TNRC18: variants seen among roughly 807,000 people sequenced by gnomAD.
The protein encoded by TNRC18 is trinucleotide repeat containing 18.
In TNRC18, 69 loss-of-function variants were observed where a neutral mutation model predicts 226.7. The ratio of observed to expected loss-of-function variants is 0.30; its 90% CI spans 0.25 to 0.37. The LOEUF (loss-of-function observed/expected upper bound fraction) is 0.37, where lower values mean the gene tolerates loss of function less well. Ranked by LOEUF, TNRC18 falls within the 10% of genes least tolerant of loss-of-function variation. TNRC18 has a pLI of 1.00. For missense variants in TNRC18, 4,754 were observed against 4,256.6 expected (o/e 1.12, Z -3.25); for synonymous variants, 2,449 against 1,927.6 (o/e 1.27, Z -7.09).
At chr7:5,366,318 CTTTT>C (rs202053648) in intron 11 of TNRC18, among the ~76,000 whole-genome samples, 12 of 70,480 alleles carry the variant, frequency 1.7e-4, no homozygotes, top group Admixed American at 1.2e-3. Context: ...CTTCTTATAT[CTTTT>C]TTTTTTTTTT....
In TNRC18 at chr7:5,376,082, C is replaced by A; in HGVS notation, c.2751G>T (p.Gln917His). ...FLRQQEFLYL[Q>H]QQAAQALELQ... ...GTTCCAAGGCCTGGGCCGCCTGCTG[C>A]TGCAGGTACAGGAACTCCTGCTGCC... Residue 917 changes from glutamine (Q) to histidine (H), a missense_variant, in exon 9 of 30, where the codon CAG becomes CAT. By Grantham distance (24) the Gln-to-His change is conservative. Coordinates refer to ENST00000430969, the MANE Select transcript of TNRC18 (RefSeq NM_001080495.3). 1 of 1,596,328 alleles carries A rather than the reference C, an allele frequency of 6.3e-7. No homozygotes were observed.
chr7:5,420,445 G>A (rs1200341882), intron 2 of TNRC18: 1 of 454,664 alleles, frequency 2.2e-6, no homozygotes, highest in African/African-American at 2.0e-5. Flanking sequence ...CCTCCTACCG[G>A]GGTGCAGGTT....
chr7:5,315,449 G>C (rs866477104), intron 25 of TNRC18, among the ~76,000 whole-genome samples: 18 of 148,014 alleles, frequency 1.2e-4, no homozygotes, highest in Admixed American at 1.0e-3. Context: ...TTTTAAAACA[G>C]AGTCTCGCTC....
intron 19 of TNRC18, chr7:5,325,567 G>C (rs1378281895): frequency 4.6e-5 from 14 of 301,956 alleles, no homozygotes; most frequent in Non-Finnish European, 7.4e-5. Flanking sequence ...GGGACTACAG[G>C]CACCCGCCAC....
chr7:5,370,288 A>T, intron 11 of TNRC18, 87 bp downstream of exon 11: 1 of 1,426,480 alleles, frequency 7.0e-7, no homozygotes, highest in Non-Finnish European at 9.3e-7. Flanking sequence ...GTGCCACTGC[A>T]CTCCAGCCTG....
intron 11 of TNRC18, among the ~76,000 whole-genome samples, chr7:5,368,081 A>T (rs919629383): frequency 1.3e-5 from 2 of 151,924 alleles, no homozygotes; most frequent in East Asian, 3.8e-4. Flanking sequence ...GTTTTAAAGC[A>T]GACGAAAATG....
At chr7:5,408,818 T>C (rs1015905780) in intron 2 of TNRC18, among the ~76,000 whole-genome samples, 1 of 152,068 alleles carries the variant, frequency 6.6e-6, no homozygotes, top group Non-Finnish European at 1.5e-5. Flanking sequence ...AAGCCAGGGA[T>C]CACGGAAAAG....
chr7:5,319,458 T>A (rs1027281611), intron 24 of TNRC18, among the ~76,000 whole-genome samples: 1 of 152,214 alleles, frequency 6.6e-6, no homozygotes, highest in Admixed American at 6.5e-5. Context: ...CTGTCTGATA[T>A]CCACACCTAC....
chr7:5,332,342 A>C (rs566812612), intron 19 of TNRC18, among the ~76,000 whole-genome samples: 44 of 152,304 alleles, frequency 2.9e-4, no homozygotes, highest in African/African-American at 9.9e-4. Context: ...CTGAGGCAGG[A>C]GGACTGCTAG....
chr7:5,416,493 G>A (rs1430181989), intron 2 of TNRC18, among the ~76,000 whole-genome samples: 3 of 152,274 alleles, frequency 2.0e-5, no homozygotes, highest in Non-Finnish European at 2.9e-5. Flanking sequence ...GGCTGAGGCA[G>A]GATGATCTCT....
chr7:5,363,360 T>C lies in TNRC18; in HGVS notation c.4220-535A>G, dbSNP rs567535613. On this transcript the variant is annotated intron_variant, in intron 11 of 29. Coordinates refer to ENST00000430969, the MANE Select transcript of TNRC18 (RefSeq NM_001080495.3). ...GCTCACGCCTGTAATCCCAGCACTTTGGGAGGCCGAGGCGGGCAGATCATG... is the reference window on the plus strand; with the variant it reads ...GCTCACGCCTGTAATCCCAGCACTTCGGGAGGCCGAGGCGGGCAGATCATG... 3.3e-5 allele frequency among the ~76,000 whole-genome samples: 5 copies of C among 152,126 alleles called. No homozygotes were observed. In the East Asian group the frequency reaches 9.7e-4, roughly 29 times the overall value.
At chr7:5,352,873 G>C (rs1348853900) in intron 16 of TNRC18, among the ~76,000 whole-genome samples, 6 of 152,254 alleles carry the variant, frequency 3.9e-5, no homozygotes, top group African/African-American at 1.4e-4. Flanking sequence ...AGGGGTTCCA[G>C]AGACAGAGAA....
intron 18 of TNRC18, 40 bp downstream of exon 18, chr7:5,345,522 T>TC: frequency 1.2e-5 from 2 of 170,136 alleles, no homozygotes; most frequent in Non-Finnish European, 1.1e-5. Flanking sequence ...CGTCCGCCCC[T>TC]CCCACCCACC....
intron 2 of TNRC18, among the ~76,000 whole-genome samples, chr7:5,397,729 C>T (rs1483382301): frequency 6.6e-6 from 1 of 152,122 alleles, no homozygotes; most frequent in Admixed American, 6.5e-5. Context: ...ACTCCCACCT[C>T]GGGTCTCCCT....
chr7:5,392,788 G>A (rs927834427), intron 3 of TNRC18, among the ~76,000 whole-genome samples: 15 of 152,176 alleles, frequency 9.9e-5, no homozygotes, highest in African/African-American at 2.9e-4. Context: ...TGGGACGATC[G>A]CTTGAGCCTA....
rs184983857 is a variant in TNRC18 at position 5,359,286 on chromosome 7, C to A, written c.4833+112G>T. Reference sequence around the variant, plus strand: ...ATTCCGGCATTGAAGACAACCACTTCTAAGGTTTCTGTACAGGAACAAAGG... The same window carrying A: ...ATTCCGGCATTGAAGACAACCACTTATAAGGTTTCTGTACAGGAACAAAGG... On this transcript the variant is annotated intron_variant, in intron 15 of 29. Transcript: ENST00000430969. 2.2e-3 allele frequency: 2,428 copies of A among 1,127,724 alleles called. 43 individuals are homozygous for A. The highest frequency in any genetic ancestry group is 3.4e-4 in the Non-Finnish European group (259 of 767,300). The allele number at this position is 1,127,724 out of a possible 1,614,324, so 69.9% of individuals were successfully genotyped here.
In TNRC18 at chr7:5,308,402, G is replaced by GAGGGAGCCCC. The variant is rs1267500766; in HGVS notation, c.8701-100_8701-91dup. On this transcript the variant is annotated intron_variant, in intron 29 of 29. Coordinates refer to ENST00000430969, the MANE Select transcript of TNRC18 (RefSeq NM_001080495.3). The stretch of plus-strand genomic sequence containing the variant: ...AGCCACAGGGACAGAGACAGAAGCA[G>GAGGGAGCCCC]AGGGAGCCCCAGGGACTGAGACAGA... The GAGGGAGCCCC allele has an allele frequency of 8.9e-6, 11 of 1,232,180 alleles. No homozygotes were observed. The Admixed American group carries it at 2.4e-4, about 26-fold the overall frequency. The allele number at this position is 1,232,180 out of a possible 1,614,324, so 76.3% of individuals were successfully genotyped here.
At chr7:5,327,948 G>A (rs1042185305) in intron 19 of TNRC18, among the ~76,000 whole-genome samples, 3 of 152,142 alleles carry the variant, frequency 2.0e-5, no homozygotes, top group Admixed American at 6.6e-5. Flanking sequence ...ACAGCCAGGC[G>A]CGGTGGCTCA....
Position 5,377,761 on chromosome 7 carries a change from G to C in TNRC18, c.2255+161C>G, listed in dbSNP as rs187293964. Among the ~76,000 whole-genome samples the C allele has an allele frequency of 6.6e-6, 1 of 152,244 alleles. No homozygotes were observed. Among genetic ancestry groups the C allele is most frequent in the African/African-American group, 2.4e-5 (1 of 41,536 alleles). Reference sequence around the variant, plus strand: ...AGGGGCAGTGGGGCCACCTGGCCTGGGCAGGGCTGGCCCGATGCTGAGGAC... The same window carrying C: ...AGGGGCAGTGGGGCCACCTGGCCTGCGCAGGGCTGGCCCGATGCTGAGGAC... On this transcript the variant is annotated intron_variant, in intron 6 of 29. Coordinates refer to ENST00000430969, the MANE Select transcript of TNRC18 (RefSeq NM_001080495.3). The surrounding 1 kb of genome is among the most constrained non-coding windows in gnomAD (Gnocchi z 5.8).
Sources: gnomAD v4.1 joint callset for allele counts (sites outside exome capture counted in the v4.1 genomes callset) on GRCh38, gnomAD v4.1.1 for gene constraint, Gnocchi (gnomAD v3.1) non-coding constraint, MANE v1.5 for transcripts, NCBI Gene and HGNC (gene_info 2026-07-23, HGNC 2026-07-21) for gene names.